SGCD: variants seen among roughly 807,000 people sequenced by gnomAD.
SGCD encodes delta-sarcoglycan.
A neutral mutation model predicts 36.6 loss-of-function variants in SGCD; 18 were observed. The ratio of observed to expected loss-of-function variants is 0.49; its 90% CI spans 0.34 to 0.73. SGCD has a LOEUF of 0.73. SGCD is among the 30% of genes least tolerant of loss of function. SGCD has a pLI of 0.01. For synonymous variants in SGCD, 133 were observed against 130.6 expected (o/e 1.02, Z -0.12); for missense variants, 387 against 346.7 (o/e 1.12, Z -0.92).
At chr5:155,771,566 G>T in the SGCD span, among the ~76,000 whole-genome samples, 1 of 151,890 alleles carries the variant, frequency 6.6e-6, no homozygotes, top group African/African-American at 2.4e-5. Flanking sequence ...TATTACAGGC[G>T]TGCGTCAATG....
At chr5:156,151,193 C>G (rs1473629965) in intron 3 of SGCD, among the ~76,000 whole-genome samples, 1 of 151,636 alleles carries the variant, frequency 6.6e-6, no homozygotes, top group East Asian at 1.9e-4. Context: ...CTCCTCTTTC[C>G]TATCTCCATT....
rs1318546943 is a variant in SGCD, at chr5:156,761,455, T to TATA, written c.*2068_*2070dup. On this transcript the variant is annotated 3_prime_UTR_variant, in exon 9 of 9. Transcript: ENST00000337851. ...AAGACATCAGATTACGCTGGATCAG[T>TATA]ATAATTAATATTCCATAGGGCCATG... 1 of 152,134 alleles carries TATA rather than the reference T, an allele frequency of 6.6e-6. No homozygotes were observed. The highest frequency in any genetic ancestry group is 1.5e-5 in the Non-Finnish European group (1 of 68,040). 9.4% of individuals were successfully genotyped at this position (152,134 alleles called of 1,614,324 possible).
chr5:155,903,584 G>T (rs766233811), intron 1 of SGCD, among the ~76,000 whole-genome samples: 37 of 152,144 alleles, frequency 2.4e-4, no homozygotes, highest in Non-Finnish European at 4.6e-4. Flanking sequence ...GACAATGATT[G>T]TGGAAGGGAC....
intron 1 of SGCD, among the ~76,000 whole-genome samples, chr5:156,045,530 T>G (rs1365778408): frequency 1.3e-5 from 2 of 152,166 alleles, no homozygotes; most frequent in African/African-American, 2.4e-5. Context: ...ACCTATATAA[T>G]TCAGCCTGGC....
chr5:155,864,243 G>T, the SGCD span, among the ~76,000 whole-genome samples: 1 of 152,228 alleles, frequency 6.6e-6, no homozygotes, highest in East Asian at 1.9e-4. Context: ...AGGGAGCGCA[G>T]TAGGCGGTTA....
intron 1 of SGCD, among the ~76,000 whole-genome samples, chr5:156,051,843 G>A (rs1250979674): frequency 1.4e-5 from 2 of 145,688 alleles, no homozygotes; most frequent in Non-Finnish European, 3.1e-5. Context: ...TTTAGTGCAT[G>A]TAGTGTGTGC....
At chr5:156,430,818 T>C (rs1752974223) in intron 3 of SGCD, among the ~76,000 whole-genome samples, 1 of 152,186 alleles carries the variant, frequency 6.6e-6, no homozygotes, top group African/African-American at 2.4e-5. Flanking sequence ...GTAGTCGTTA[T>C]GTTCTTGGGG....
At chr5:156,077,894 G>A (rs769386010) in intron 1 of SGCD, among the ~76,000 whole-genome samples, 1 of 152,054 alleles carries the variant, frequency 6.6e-6, no homozygotes, top group African/African-American at 2.4e-5. Context: ...GGATTCTGAG[G>A]GTTCTGTTTT....
chr5:156,011,784 T>C (rs1437098392), intron 1 of SGCD, among the ~76,000 whole-genome samples: 1 of 152,234 alleles, frequency 6.6e-6, no homozygotes, highest in Non-Finnish European at 1.5e-5. Context: ...ACCTGGATTC[T>C]TCTCTGCACT....
chr5:156,362,903 T>C (rs1212685701), intron 3 of SGCD, among the ~76,000 whole-genome samples: 1 of 152,190 alleles, frequency 6.6e-6, no homozygotes, highest in African/African-American at 2.4e-5. Flanking sequence ...TAAGGGGTAC[T>C]CTTGAGAAAT....
chr5:155,764,352 A>G, the SGCD span, among the ~76,000 whole-genome samples: 2 of 152,184 alleles, frequency 1.3e-5, no homozygotes, highest in Admixed American at 6.6e-5. Context: ...GCCTTTTGAC[A>G]AGCATTTATT....
chr5:156,707,912 A>C (rs538605336), intron 7 of SGCD, among the ~76,000 whole-genome samples: 1 of 152,294 alleles, frequency 6.6e-6, no homozygotes, highest in South Asian at 2.1e-4. Flanking sequence ...AGATTGGACT[A>C]TGTCAGTGTT....
At chr5:155,804,250 A>G in the SGCD span, among the ~76,000 whole-genome samples, 1 of 152,224 alleles carries the variant, frequency 6.6e-6, no homozygotes, top group African/African-American at 2.4e-5. Flanking sequence ...TCCTGCAATA[A>G]AGCAGTGAAG....
At chr5:155,918,214 A>G (rs1010574281) in intron 1 of SGCD, among the ~76,000 whole-genome samples, 24 of 152,234 alleles carry the variant, frequency 1.6e-4, no homozygotes, top group Non-Finnish European at 3.1e-4. Flanking sequence ...AAATAGTAAT[A>G]ATGATATCCT....
Position 156,479,333 on chromosome 5 carries a change from T to C in SGCD, c.193-29268T>C, listed in dbSNP as rs982508984. 3.4e-4 allele frequency among the ~76,000 whole-genome samples: 51 copies of C among 152,104 alleles called. 1 individual carries two copies. The highest frequency in any genetic ancestry group is 1.2e-4 in the Non-Finnish European group (8 of 68,014). ...CTGGTCTTGAACTCCTGACCTCAAG[T>C]GATCCAGCCGCCTCGGCCTCCCAAA... On this transcript the variant is annotated intron_variant, in intron 3 of 8. Coordinates refer to ENST00000337851, the MANE Select transcript of SGCD (RefSeq NM_000337.6).
chr5:155,803,350 G>T, the SGCD span, among the ~76,000 whole-genome samples: 1 of 152,204 alleles, frequency 6.6e-6, no homozygotes, highest in African/African-American at 2.4e-5. Flanking sequence ...AATACGGGCA[G>T]GGCTACCCTG....
chr5:156,637,590 CAA>C (rs963168490), intron 6 of SGCD, among the ~76,000 whole-genome samples: 7 of 152,120 alleles, frequency 4.6e-5, no homozygotes, highest in Admixed American at 1.3e-4. Flanking sequence ...TCTCTTTGAA[CAA>C]AGTCATGTCA....
At chr5:156,563,820 AG>A (rs1759368343) in intron 4 of SGCD, among the ~76,000 whole-genome samples, 2 of 152,226 alleles carry the variant, frequency 1.3e-5, no homozygotes, top group Admixed American at 1.3e-4. Context: ...TCATTATCAA[AG>A]AATGAAGCAG....
chr5:156,332,591 G>A (rs773821934), intron 2 of SGCD, among the ~76,000 whole-genome samples: 11 of 152,190 alleles, frequency 7.2e-5, no homozygotes, highest in Non-Finnish European at 1.0e-4. Flanking sequence ...AGACACATAG[G>A]AGAGAAGTTA....
Sources: gnomAD v4.1 joint callset for allele counts (sites outside exome capture counted in the v4.1 genomes callset) on GRCh38, gnomAD v4.1.1 for gene constraint, MANE v1.5 for transcripts, NCBI Gene and HGNC (gene_info 2026-07-23, HGNC 2026-07-21) for gene names.